The following INPP4A variants were observed in gnomAD, a reference collection of about 807,000 sequenced individuals.
The protein encoded by INPP4A is inositol polyphosphate-4-phosphatase, type I, 107kD.
Under a neutral mutation model 119.8 loss-of-function variants are expected in INPP4A, and 33 were observed. That is an observed-to-expected ratio of 0.28 (90% CI 0.21 to 0.37). INPP4A has a LOEUF of 0.37. Among genes scored for constraint, INPP4A ranks in the 10% least tolerant of loss-of-function variants. The probability of loss-of-function intolerance (pLI) is 1.00; values close to 1 mark genes in which losing one functional copy is unlikely to be tolerated. For synonymous variants in INPP4A, 496 were observed against 500.7 expected (o/e 0.99, Z 0.12); for missense variants, 956 against 1,289.9 (o/e 0.74, Z 3.97).
rs1447607480 is a variant in INPP4A, at chr2:98,581,443, A to T, written c.2786+4300A>T. 3.0e-5 allele frequency: 27 copies of T among 885,572 alleles called. No individual in the cohort carries two copies. The South Asian group carries it at 5.8e-4, about 19-fold the overall frequency. The allele number at this position is 885,572 out of a possible 1,614,324, so 54.9% of individuals were successfully genotyped here. A position where few individuals can be genotyped will look rare whatever the true frequency, so the allele number is the denominator to read the frequency against. The stretch of plus-strand genomic sequence containing the variant: ...TTGTGACTTCATTTCATTTTTTTTT[A>T]ACCTTATCTTTTGTTTCTCTTGTTT... On this transcript the variant is annotated intron_variant, in intron 24 of 24. Coordinates refer to ENST00000409851, the MANE Select transcript of INPP4A (RefSeq NM_001134225.2).
chr2:98,449,397 G>A (rs1479992993), intron 1 of INPP4A, among the ~76,000 whole-genome samples: 1 of 152,122 alleles, frequency 6.6e-6, no homozygotes, highest in African/African-American at 2.4e-5. Flanking sequence ...TTATTCAATA[G>A]ATTATAGTCC....
chr2:98,574,078 C>T (rs1293533575), intron 23 of INPP4A, among the ~76,000 whole-genome samples: 1 of 152,132 alleles, frequency 6.6e-6, no homozygotes, highest in Admixed American at 6.5e-5. Context: ...GGAAGTTCGG[C>T]AGGTTTCTCA....
chr2:98,481,662 A>G (rs183266883), intron 1 of INPP4A, among the ~76,000 whole-genome samples: 15 of 152,348 alleles, frequency 9.8e-5, no homozygotes, highest in African/African-American at 3.1e-4. Context: ...AAGTGATCCA[A>G]TGTGAGCAAG....
chr2:98,514,244 T>C (rs532909344), intron 1 of INPP4A, among the ~76,000 whole-genome samples: 8 of 152,160 alleles, frequency 5.3e-5, no homozygotes, highest in Non-Finnish European at 1.0e-4. Context: ...TCAGGGGATG[T>C]GTTCAGGGTG....
intron 15 of INPP4A, among the ~76,000 whole-genome samples, chr2:98,555,103 A>G (rs113191980): frequency 0.016 from 2,385 of 152,150 alleles, 66 homozygotes; most frequent in African/African-American, 0.055. Flanking sequence ...CATCCTATAC[A>G]CTGTGCGTGT....
chr2:98,570,439 A>G lies in INPP4A; in HGVS notation c.2518+1771A>G, dbSNP rs1697243764. 6.6e-6 allele frequency among the ~76,000 whole-genome samples: 1 copy of G among 152,170 alleles called. No individual in the cohort carries two copies. The highest frequency in any genetic ancestry group is 2.4e-5 in the African/African-American group (1 of 41,438). On this transcript the variant is annotated intron_variant, in intron 22 of 24. Transcript: ENST00000409851. The surrounding 1 kb of genome is among the most constrained non-coding windows in gnomAD (Gnocchi z 4.3). ...GCTGCCGGACACTGGATGTGTGGAC[A>G]AGGAGCTGCTGGTGATCTCTCCCAT...
chr2:98,568,947 G>T (rs2106389457), intron 22 of INPP4A: 1 of 351,104 alleles, frequency 2.8e-6, no homozygotes, highest in East Asian at 5.4e-5. Flanking sequence ...TTGGTGGCAT[G>T]CATTGTGCAC....
chr2:98,507,848 CG>C (rs1684357314), intron 1 of INPP4A, among the ~76,000 whole-genome samples: 1 of 152,168 alleles, frequency 6.6e-6, no homozygotes, highest in African/African-American at 2.4e-5. Context: ...GAGACAAATA[CG>C]CCTTTCTGCC....
intron 17 of INPP4A, 114 bp from the exon 18 acceptor site, chr2:98,563,351 G>A (rs1695834528): frequency 1.1e-6 from 1 of 945,762 alleles, no homozygotes; most frequent in Non-Finnish European, 1.6e-6. Flanking sequence ...ATGAGGTGGA[G>A]ATGGGGGAGT....
rs187514281 is a variant in INPP4A, at chr2:98,512,055, C to T, written c.-165-6909C>T. On this transcript the variant is annotated intron_variant, in intron 1 of 24. Transcript: ENST00000409851. Reference sequence around the variant, plus strand: ...GGCTCACAGATGGCTCCAGTACAAGCGCTGTGGGGGCCAGCCTCAGGGGAG... The same window carrying T: ...GGCTCACAGATGGCTCCAGTACAAGTGCTGTGGGGGCCAGCCTCAGGGGAG... 3.1e-3 allele frequency among the ~76,000 whole-genome samples: 475 copies of T among 152,296 alleles called. 5 individuals are homozygous for T. Among genetic ancestry groups the T allele is most frequent in the African/African-American group, 0.011 (440 of 41,562 alleles).
intron 8 of INPP4A, 24 bp from the exon 9 acceptor site, chr2:98,538,867 G>C: frequency 7.0e-7 from 1 of 1,428,804 alleles, no homozygotes; most frequent in Non-Finnish European, 9.9e-7. Flanking sequence ...CAGTTTTCTT[G>C]TGCATTTCCT....
intron 7 of INPP4A, among the ~76,000 whole-genome samples, chr2:98,536,460 A>G (rs1301697628): frequency 3.3e-5 from 5 of 152,232 alleles, no homozygotes; most frequent in South Asian, 2.1e-4. Context: ...ATACATATCT[A>G]GTAATACTAA....
intron 1 of INPP4A, among the ~76,000 whole-genome samples, chr2:98,488,757 G>A (rs1354764443): frequency 6.6e-6 from 1 of 152,210 alleles, no homozygotes; most frequent in Non-Finnish European, 1.5e-5. Context: ...TCCTTGGAGA[G>A]GGGAGTTGCT....
intron 4 of INPP4A, among the ~76,000 whole-genome samples, chr2:98,524,769 G>A (rs906771808): frequency 6.6e-6 from 1 of 152,104 alleles, no homozygotes; most frequent in African/African-American, 2.4e-5. Flanking sequence ...CATAATAGAA[G>A]AAACAAAAGA....
intron 10 of INPP4A, among the ~76,000 whole-genome samples, chr2:98,540,048 C>A (rs967238447): frequency 6.6e-6 from 1 of 152,164 alleles, no homozygotes; most frequent in Non-Finnish European, 1.5e-5. Flanking sequence ...TCTCCTGCCT[C>A]AGCCTCTGAA....
intron 1 of INPP4A, among the ~76,000 whole-genome samples, chr2:98,472,159 G>A (rs1676161028): frequency 2.0e-5 from 3 of 152,210 alleles, no homozygotes; most frequent in Non-Finnish European, 2.9e-5. Context: ...CAGAAGTATG[G>A]TCCACATGGG....
rs1157942565 is a variant in INPP4A at position 98,472,938 on chromosome 2, G to GGAGAA, written c.-166+27853_-166+27854insGAGAA. The stretch of plus-strand genomic sequence containing the variant: ...TGGGAGTGCCCTAGGCAGGAGAAAG[G>GGAGAA]AGTGTATTGTAGGTGCAGTGTAGAG... On this transcript the variant is annotated intron_variant, in intron 1 of 24. Transcript: ENST00000409851. 2.0e-5 allele frequency among the ~76,000 whole-genome samples: 3 copies of GGAGAA among 152,196 alleles called. No individual in the cohort carries two copies. In the East Asian group the frequency reaches 5.8e-4, roughly 29 times the overall value.
chr2:98,520,130 G>A lies in INPP4A; in HGVS notation c.82G>A (p.Asp28Asn), dbSNP rs770686205. ...GGCTTCCACCATCGACGTGGCGGCC[G>A]ACATGCTGGGCCTCTCTCTGGCAGG... ...QRASTIDVAA[D>N]MLGLSLAGNI... The change falls in exon 3 of 25, where the codon GAC becomes AAC. Residue 28 changes from aspartate (D) to asparagine (N), a missense_variant. By Grantham distance (23) the Asp-to-Asn change is conservative. This residue lies in a region of INPP4A where 652 missense variants were observed against 797.9 expected (regional missense o/e 0.82). Coordinates refer to ENST00000409851, the MANE Select transcript of INPP4A (RefSeq NM_001134225.2). 30 of 1,561,030 alleles carry A rather than the reference G, an allele frequency of 1.9e-5. No individual in the cohort carries two copies. Among genetic ancestry groups the A allele is most frequent in the East Asian group, 2.4e-5 (1 of 41,696 alleles).
intron 24 of INPP4A, among the ~76,000 whole-genome samples, chr2:98,581,355 C>A (rs772184560): frequency 1.3e-5 from 2 of 152,046 alleles, no homozygotes; most frequent in Non-Finnish European, 2.9e-5. Flanking sequence ...TTTCCTGTAA[C>A]TGTGCTGGTT....
Sources: gnomAD v4.1 joint callset for allele counts (sites outside exome capture counted in the v4.1 genomes callset) on GRCh38, gnomAD v4.1.1 for gene constraint, gnomAD v4.1.1 regional missense constraint, Gnocchi (gnomAD v3.1) non-coding constraint, MANE v1.5 for transcripts, NCBI Gene and HGNC (gene_info 2026-07-23, HGNC 2026-07-21) for gene names.